Variants in DNAH3 observed in about 807,000 individuals in gnomAD.
The protein encoded by DNAH3 is axonemal beta dynein heavy chain 3.
In DNAH3, 332 loss-of-function variants were observed where a neutral mutation model predicts 432.5. The ratio of observed to expected loss-of-function variants is 0.77; its 90% CI spans 0.70 to 0.84. The LOEUF (loss-of-function observed/expected upper bound fraction) is 0.84, where lower values mean the gene tolerates loss of function less well. Ranked by LOEUF, DNAH3 falls within the 40% of genes least tolerant of loss-of-function variation. The pLI is 0.00. For synonymous variants in DNAH3, 1,956 were observed against 1,900.2 expected, an observed-to-expected ratio of 1.03 and a Z score of -0.76; for missense variants, 4,861 against 5,114.0, an observed-to-expected ratio of 0.95 and a Z score of 1.51.
intron 44 of DNAH3, among the ~76,000 whole-genome samples, chr16:20,988,974 G>C (rs1410912309): frequency 6.6e-6 from 1 of 152,212 alleles, no homozygotes; most frequent in East Asian, 1.9e-4. Context: ...CTGGCTTCAA[G>C]AGTGAAGTTG....
chr16:21,026,721 AAAG>A lies in DNAH3; in HGVS notation c.5540+303_5540+305del, dbSNP rs1327114732. ...GTCTCAAAAAAAAAAAAAAAAAAAA[AAAG>A]AAGGAAATGATAGATATGGGAGCCT... On this transcript the variant is annotated intron_variant, in intron 38 of 61. Transcript: ENST00000261383. Among the ~76,000 whole-genome samples, 8 of 150,540 alleles carry A rather than the reference AAAG, an allele frequency of 5.3e-5. No homozygotes were observed. In the East Asian group the frequency reaches 1.6e-3, roughly 29 times the overall value.
chr16:21,025,681 T>C (rs1253071564), intron 38 of DNAH3, among the ~76,000 whole-genome samples: 1 of 151,972 alleles, frequency 6.6e-6, no homozygotes, highest in Non-Finnish European at 1.5e-5. Flanking sequence ...ATTATACATA[T>C]TACAATTTCT....
intron 27 of DNAH3, among the ~76,000 whole-genome samples, chr16:21,057,221 C>A (rs2090165969): frequency 6.6e-6 from 1 of 151,936 alleles, no homozygotes; most frequent in African/African-American, 2.4e-5. Context: ...CCACCCTGGC[C>A]AACATAGTGA....
At chr16:21,007,798 T>C (rs978181336) in intron 41 of DNAH3, among the ~76,000 whole-genome samples, 7 of 152,210 alleles carry the variant, frequency 4.6e-5, no homozygotes, top group Non-Finnish European at 8.8e-5. Flanking sequence ...AAAATGTGCA[T>C]CTATGTTTTC....
At chr16:21,158,885 C>T (rs1030382075) in intron 1 of DNAH3, 4 of 172,944 alleles carry the variant, frequency 2.3e-5, no homozygotes, top group African/African-American at 4.8e-5. Context: ...GCTTTCTGCC[C>T]CGGGGTTAGT....
At chr16:21,110,985 C>T (rs1324128873) in intron 14 of DNAH3, among the ~76,000 whole-genome samples, 1 of 152,152 alleles carries the variant, frequency 6.6e-6, no homozygotes, top group Non-Finnish European at 1.5e-5. Context: ...CACTACAATC[C>T]AGCTTGGACA....
intron 50 of DNAH3, among the ~76,000 whole-genome samples, chr16:20,978,900 C>T (rs2085724179): frequency 6.6e-6 from 1 of 151,840 alleles, no homozygotes; most frequent in African/African-American, 2.4e-5. Flanking sequence ...TAACATGCCC[C>T]TGGCTCTACA....
intron 53 of DNAH3, among the ~76,000 whole-genome samples, chr16:20,962,029 C>G (rs2084845842): frequency 6.6e-6 from 1 of 151,696 alleles, no homozygotes; most frequent in Non-Finnish European, 1.5e-5. Context: ...GACGTGGCAG[C>G]ACGTGCCTGT....
rs1183407045 is a variant in DNAH3 at position 21,145,406 on chromosome 16, T to C, written c.223A>G (p.Thr75Ala). 6.2e-7 allele frequency: 1 copy of C among 1,613,310 alleles called. No individual in the cohort carries two copies. The highest frequency in any genetic ancestry group is 8.5e-7 in the Non-Finnish European group (1 of 1,179,578). The stretch of plus-strand genomic sequence containing the variant: ...GGGTAAAAGCTGTGTGACATGACAG[T>C]CTACGAGGTAAGAAGTGCAGAGTGA... Residue 75 changes from threonine to alanine, a missense_variant and splice_region_variant, in exon 3 of 62, where the codon ACT (threonine) becomes GCT (alanine). Physicochemically the swap from Thr to Ala is moderately conservative, Grantham distance 58. Transcript: ENST00000261383.
chr16:21,121,188 C>T (rs2092332569), intron 10 of DNAH3: 10 of 407,540 alleles, frequency 2.5e-5, no homozygotes, highest in South Asian at 1.8e-4. Context: ...GACAATGGCC[C>T]TTTGGTCATA....
At chr16:21,113,240 G>C (rs1211466366) in intron 12 of DNAH3, among the ~76,000 whole-genome samples, 1 of 152,196 alleles carries the variant, frequency 6.6e-6, no homozygotes. Context: ...GACCCAGGGG[G>C]AGGTAGTTGA....
chr16:20,967,097 C>A (rs1935768962), intron 52 of DNAH3, among the ~76,000 whole-genome samples: 1 of 152,132 alleles, frequency 6.6e-6, no homozygotes, highest in African/African-American at 2.4e-5. Context: ...TACAGCAGGT[C>A]AAATGTGTCC....
intron 53 of DNAH3, among the ~76,000 whole-genome samples, chr16:20,960,731 C>A (rs3103808): frequency 0.5 from 76,145 of 151,436 alleles, 19,322 homozygotes; most frequent in South Asian, 0.6. Context: ...AAACAAAAGG[C>A]GGCCAAGGCC....
exon 41 of DNAH3, chr16:21,019,722 A>T: frequency 2.5e-6 from 4 of 1,614,140 alleles, no homozygotes; most frequent in Non-Finnish European, 3.4e-6. Flanking sequence ...AAACACATCA[A>T]ATTTCTTTCT....
chr16:21,053,797 G>A (rs536382862), intron 28 of DNAH3, among the ~76,000 whole-genome samples: 1 of 151,870 alleles, frequency 6.6e-6, no homozygotes, highest in African/African-American at 2.4e-5. Context: ...GTGTGGGGGT[G>A]GTTTGTTTTA....
chr16:20,987,798 C>T, exon 46 of DNAH3: 1 of 1,614,100 alleles, frequency 6.2e-7, no homozygotes. Flanking sequence ...AGAAGTTCTC[C>T]ACTGCATCTC....
At chr16:20,945,800 T>C (rs2084019094) in intron 57 of DNAH3, among the ~76,000 whole-genome samples, 1 of 152,178 alleles carries the variant, frequency 6.6e-6, no homozygotes, top group South Asian at 2.1e-4. Context: ...TCCTTTACTT[T>C]CTTAATTAAC....
intron 28 of DNAH3, among the ~76,000 whole-genome samples, chr16:21,052,190 A>C (rs1490308469): frequency 6.6e-6 from 1 of 151,892 alleles, no homozygotes; most frequent in East Asian, 1.9e-4. Flanking sequence ...TGGGGTTTCA[A>C]CATGTTGGCC....
chr16:21,101,566 T>G (rs2091838776), intron 16 of DNAH3, among the ~76,000 whole-genome samples: 1 of 152,188 alleles, frequency 6.6e-6, no homozygotes, highest in Non-Finnish European at 1.5e-5. Flanking sequence ...TTCACTCCCA[T>G]GTTCAAAGAA....
Sources: gnomAD v4.1 joint callset for allele counts (sites outside exome capture counted in the v4.1 genomes callset) on GRCh38, gnomAD v4.1.1 for gene constraint, MANE v1.5 for transcripts, NCBI Gene and HGNC (gene_info 2026-07-23, HGNC 2026-07-21) for gene names.